Variants in PKD1L3 observed in about 807,000 individuals in gnomAD.
The protein encoded by PKD1L3 is polycystin 1 like 3, transient receptor potential channel interacting.
Under a neutral mutation model 184.1 loss-of-function variants are expected in PKD1L3, and 239 were observed. The ratio of observed to expected loss-of-function variants is 1.30; its 90% confidence interval spans 1.17 to 1.45. The LOEUF is 1.45. Among genes scored for constraint, PKD1L3 ranks in the 40% most tolerant of loss-of-function variants. PKD1L3 has a pLI of 0.00. For synonymous variants in PKD1L3, 996 were observed against 778.8 expected (o/e 1.28, Z -4.64); for missense variants, 2,660 against 2,067.2 (o/e 1.29, Z -5.56).
intron 11 of PKD1L3, among the ~76,000 whole-genome samples, chr16:71,975,784 A>G (rs138552112): frequency 1.6e-3 from 238 of 152,366 alleles, no homozygotes; most frequent in African/African-American, 5.3e-3. Context: ...ACATGTGGTA[A>G]AATCACACAG....
intron 22 of PKD1L3, among the ~76,000 whole-genome samples, chr16:71,944,568 G>T (rs908499229): frequency 3.3e-5 from 5 of 152,010 alleles, no homozygotes; most frequent in African/African-American, 1.2e-4. Context: ...CTGTGGTCCC[G>T]GCTACTAGGG....
intron 17 of PKD1L3, among the ~76,000 whole-genome samples, chr16:71,953,891 T>C (rs2038944870): frequency 6.6e-6 from 1 of 152,126 alleles, no homozygotes; most frequent in African/African-American, 2.4e-5. Flanking sequence ...TTTCTAATCC[T>C]GAAAGTAAGG....
At chr16:71,977,731 G>T (rs942408176) in intron 10 of PKD1L3, among the ~76,000 whole-genome samples, 2 of 150,990 alleles carry the variant, frequency 1.3e-5, no homozygotes, top group Non-Finnish European at 3.0e-5. Flanking sequence ...AGCTAATACT[G>T]CTGGGGTTAA....
At position 71,941,855 on chromosome 16, in the gene PKD1L3, A is replaced by C. The variant is rs372055473; in HGVS notation, c.4324+705T>G. ...TGCCTCGGCCTCCCAAAGTGCTGGG[A>C]TTACAGGCATGAGCCACCGTGCCCG... On this transcript the variant is annotated intron_variant, in intron 24 of 29. Coordinates refer to ENST00000620267, the MANE Select transcript of PKD1L3 (RefSeq NM_181536.2). 3.3e-5 allele frequency among the ~76,000 whole-genome samples: 5 copies of C among 149,832 alleles called. No homozygotes were observed. In the East Asian group the frequency reaches 1.0e-3, roughly 31 times the overall value.
intron 2 of PKD1L3, among the ~76,000 whole-genome samples, chr16:71,997,525 G>A (rs1425609093): frequency 6.6e-6 from 1 of 152,074 alleles, no homozygotes; most frequent in East Asian, 1.9e-4. Flanking sequence ...AAGGCAGGCG[G>A]ATCATCTGAG....
Position 71,994,828 on chromosome 16 carries a change from C to T in PKD1L3, c.419-1496G>A, listed in dbSNP as rs548279248. Among the ~76,000 whole-genome samples, 201 of 152,112 alleles carry T rather than the reference C, an allele frequency of 1.3e-3. 1 individual carries two copies. Among genetic ancestry groups the T allele is most frequent in the African/African-American group, 2.8e-3 (116 of 41,498 alleles). On this transcript the variant is annotated intron_variant, in intron 2 of 29. Coordinates refer to ENST00000620267, the MANE Select transcript of PKD1L3 (RefSeq NM_181536.2). ...AGCCTGGCCAGGATGGTGAAACCGC[C>T]GTCTCTACTAAAAATACAAAAATTA...
chr16:71,987,409 TGTTACCCA>T (rs1018545027), intron 4 of PKD1L3, among the ~76,000 whole-genome samples: 12 of 152,122 alleles, frequency 7.9e-5, no homozygotes, highest in African/African-American at 2.9e-4. Flanking sequence ...AGTCTTGCTC[TGTTACCCA>T]GGCTGGAGTG....
At chr16:71,996,449 CT>C (rs1364157526) in intron 2 of PKD1L3, among the ~76,000 whole-genome samples, 3 of 146,920 alleles carry the variant, frequency 2.0e-5, no homozygotes, top group African/African-American at 5.4e-5. Context: ...TTAGTAGAGA[CT>C]GGGGTTTCAC....
chr16:71,935,599 C>G, intron 25 of PKD1L3, 81 bp from the exon 26 acceptor site: 1 of 1,339,784 alleles, frequency 7.5e-7, no homozygotes, highest in Non-Finnish European at 1.0e-6. Flanking sequence ...ATGAACGCAG[C>G]TGATGTCTGT....
chr16:71,943,965 C>T, intron 23 of PKD1L3, 65 bp downstream of exon 23: 3 of 1,468,552 alleles, frequency 2.0e-6, no homozygotes, highest in South Asian at 2.6e-5. Context: ...ATTTTATTCT[C>T]TCTCTTCCTT....
chr16:71,930,154 G>T lies in PKD1L3; in HGVS notation c.4956C>A (p.Thr1652=). The T allele has an allele frequency of 6.4e-7, 1 of 1,551,174 alleles. No individual in the cohort carries two copies. Among genetic ancestry groups the T allele is most frequent in the Non-Finnish European group, 8.7e-7 (1 of 1,146,674 alleles). ...EVFALDPVLG[T]FLILTSVILM... The stretch of plus-strand genomic sequence containing the variant: ...AGATGACACTGGTGAGGATCAGAAA[G>T]GTGCCCAGGACTGGGTCTAAAGCGA... Residue 1652 remains threonine, a synonymous_variant, in exon 29 of 30, where the codon ACC becomes ACA. Transcript: ENST00000620267.
intron 28 of PKD1L3, among the ~76,000 whole-genome samples, chr16:71,931,845 T>A (rs1478954351): frequency 1.3e-5 from 2 of 152,192 alleles, no homozygotes; most frequent in Non-Finnish European, 2.9e-5. Flanking sequence ...AACTTTAGAT[T>A]ACCTCTAGTA....
At chr16:71,933,790 G>A in intron 27 of PKD1L3, 125 bp downstream of exon 27, 2 of 1,071,074 alleles carry the variant, frequency 1.9e-6, no homozygotes, top group African/African-American at 1.6e-5. Flanking sequence ...TGTGGAACTA[G>A]ATCTAAACCC....
Position 71,973,534 on chromosome 16 carries a change from G to C in PKD1L3, c.1760-17C>G, listed in dbSNP as rs1428201157. The C allele has an allele frequency of 5.8e-6, 9 of 1,541,216 alleles. No homozygotes were observed. In the South Asian group the frequency reaches 8.4e-5, roughly 14 times the overall value. The stretch of plus-strand genomic sequence containing the variant: ...ACTCCTCATCTTAGAACAAAGAAGA[G>C]TGCTTACTTGTATATCAAATGGAAC... On this transcript the variant is annotated splice_polypyrimidine_tract_variant and intron_variant, in intron 11 of 29. Coordinates refer to ENST00000620267, the MANE Select transcript of PKD1L3 (RefSeq NM_181536.2).
At chr16:71,968,275 C>T (rs2039576279) in intron 13 of PKD1L3, among the ~76,000 whole-genome samples, 1 of 152,158 alleles carries the variant, frequency 6.6e-6, no homozygotes, top group Non-Finnish European at 1.5e-5. Flanking sequence ...ATCCTTCCAC[C>T]TCCTTCCCAC....
At chr16:71,995,578 A>C (rs1214486721) in intron 2 of PKD1L3, among the ~76,000 whole-genome samples, 1 of 152,234 alleles carries the variant, frequency 6.6e-6, no homozygotes, top group African/African-American at 2.4e-5. Context: ...TACATCATAG[A>C]GATAACCCCA....
chr16:71,942,817 G>T lies in PKD1L3; in HGVS notation c.4067C>A (p.Pro1356His), dbSNP rs926829630. The T allele has an allele frequency of 6.4e-6, 10 of 1,551,488 alleles. No individual in the cohort carries two copies. Among genetic ancestry groups the T allele is most frequent in the Non-Finnish European group, 7.8e-6 (9 of 1,146,964 alleles). Residue 1356 changes from proline (P) to histidine (H), a missense_variant, in exon 24 of 30, where the codon CCC becomes CAC. Pro to His is a moderately conservative substitution (Grantham distance 77, BLOSUM62 -2). Transcript: ENST00000620267. ...DYRGKNAVLEPSHCKCGVQLI... is the reference protein window; with the variant it reads ...DYRGKNAVLEHSHCKCGVQLI... ...TTGTACCCCACATTTGCAATGACTG[G>T]GCTCCAGGACTGCATTCTTACCTCT...
chr16:71,936,231 G>A (rs1180886179), intron 25 of PKD1L3, among the ~76,000 whole-genome samples: 1 of 146,342 alleles, frequency 6.8e-6, no homozygotes, highest in East Asian at 2.0e-4. Context: ...TTGAGACAGA[G>A]TTTCACTCTT....
At chr16:71,947,699 G>T in intron 21 of PKD1L3, 108 bp from the exon 22 acceptor site, 1 of 708,216 alleles carries the variant, frequency 1.4e-6, no homozygotes, top group Non-Finnish European at 2.3e-6. Context: ...CAATTATTTG[G>T]CTCTTCATTT....
Sources: allele counts gnomAD v4.1 joint callset (sites outside exome capture counted in the v4.1 genomes callset), GRCh38; gene constraint gnomAD v4.1.1; transcripts MANE v1.5; gene names NCBI Gene and HGNC (gene_info 2026-07-23, HGNC 2026-07-21).